The following STPG1 variants were observed in gnomAD, a reference collection of about 807,000 sequenced individuals.
STPG1 encodes the protein O(6)-methylguanine-induced apoptosis 2.
STPG1 carries 33 observed loss-of-function variants against 40.1 expected under a neutral mutation model. The observed-to-expected ratio is 0.82, with a 90% confidence interval of 0.62 to 1.10. The LOEUF is 1.10. STPG1 is among the 50% of genes least tolerant of loss of function. STPG1 has a pLI of 0.00. For missense variants in STPG1, 396 were observed against 415.1 expected, an observed-to-expected ratio of 0.95 and a Z score of 0.40; for synonymous variants, 150 against 155.0, an observed-to-expected ratio of 0.97 and a Z score of 0.24.
chr1:24,371,895 G>A (rs947147057), intron 6 of STPG1, among the ~76,000 whole-genome samples: 1 of 152,048 alleles, frequency 6.6e-6, no homozygotes, highest in African/African-American at 2.4e-5. Flanking sequence ...TCCAGCTGTG[G>A]GGCTGGGCGT....
chr1:24,395,136 C>A (rs566717246), intron 2 of STPG1, among the ~76,000 whole-genome samples: 3 of 151,742 alleles, frequency 2.0e-5, no homozygotes, highest in African/African-American at 7.3e-5. Context: ...CAGATTGATA[C>A]TGAAAACAAC....
intron 7 of STPG1, chr1:24,364,462 G>A (rs1044963024): frequency 1.4e-6 from 2 of 1,405,670 alleles, no homozygotes; most frequent in Non-Finnish European, 1.9e-6. Context: ...ATACATTCTG[G>A]CTATTACTTT....
At chr1:24,383,150 T>A (rs982073364) in intron 4 of STPG1, among the ~76,000 whole-genome samples, 2 of 152,100 alleles carry the variant, frequency 1.3e-5, no homozygotes, top group African/African-American at 4.8e-5. Context: ...TGGGCTTAAG[T>A]GATCTTCCCG....
intron 1 of STPG1, among the ~76,000 whole-genome samples, chr1:24,408,540 G>T (rs1643495807): frequency 1.3e-5 from 2 of 152,096 alleles, no homozygotes; most frequent in Non-Finnish European, 2.9e-5. Flanking sequence ...CAGAAATCTA[G>T]AATTCATTTG....
intron 6 of STPG1, among the ~76,000 whole-genome samples, chr1:24,370,734 G>GC (rs756286928): frequency 6.4e-4 from 97 of 151,318 alleles, no homozygotes; most frequent in Non-Finnish European, 1.1e-3. Context: ...CTCGTGATCC[G>GC]CCTGCCTCGG....
At chr1:24,392,867 C>A (rs777135906) in intron 2 of STPG1, among the ~76,000 whole-genome samples, 159 of 139,172 alleles carry the variant, frequency 1.1e-3, no homozygotes, top group Non-Finnish European at 1.7e-3. Flanking sequence ...GGAAAAAAAA[C>A]AGTCAAGAGA....
chr1:24,368,476 G>C (rs566596034), intron 7 of STPG1, among the ~76,000 whole-genome samples: 20 of 152,328 alleles, frequency 1.3e-4, no homozygotes, highest in African/African-American at 4.8e-4. Context: ...GCATGGGTGA[G>C]AGCTGAGATG....
intron 3 of STPG1, 94 bp from the exon 4 acceptor site, chr1:24,384,097 A>G: frequency 1.3e-6 from 1 of 780,984 alleles, no homozygotes; most frequent in Non-Finnish European, 2.3e-6. Context: ...GCCTTACTGT[A>G]ATCCCACAGC....
chr1:24,405,543 G>A (rs1643381350), intron 1 of STPG1, among the ~76,000 whole-genome samples: 1 of 152,086 alleles, frequency 6.6e-6, no homozygotes. Context: ...GGTAGCATTG[G>A]TTGATAGTCT....
chr1:24,387,165 C>A (rs519782), intron 3 of STPG1, among the ~76,000 whole-genome samples: 34,151 of 151,994 alleles, frequency 0.22, 3,968 homozygotes, highest in East Asian at 0.3. Flanking sequence ...TGCAATTTAG[C>A]GGACACTGAT....
intron 5 of STPG1, among the ~76,000 whole-genome samples, chr1:24,374,110 C>T (rs1307980305): frequency 6.6e-6 from 1 of 152,132 alleles, no homozygotes; most frequent in African/African-American, 2.4e-5. Flanking sequence ...GGCTGTGTGG[C>T]CCCGCATCAG....
At position 24,359,916 on chromosome 1, in the gene STPG1, G is replaced by C. The variant is rs1640983096; in HGVS notation, c.928+935C>G. Reference sequence around the variant, plus strand: ...CAGGTAGATCCCAGATGTAACAGGGGATCCCTACTTATGCTTGCCTGTAAA... The same window carrying C: ...CAGGTAGATCCCAGATGTAACAGGGCATCCCTACTTATGCTTGCCTGTAAA... On this transcript the variant is annotated intron_variant, in intron 8 of 8. Transcript: ENST00000337248. The surrounding 1 kb of genome is among the most constrained non-coding windows in gnomAD (Gnocchi z 5.3). 6.6e-6 allele frequency among the ~76,000 whole-genome samples: 1 copy of C among 152,158 alleles called. No homozygotes were observed. The highest frequency in any genetic ancestry group is 6.5e-5 in the Admixed American group (1 of 15,282).
chr1:24,374,390 C>T (rs1641919923), intron 5 of STPG1, among the ~76,000 whole-genome samples: 1 of 149,898 alleles, frequency 6.7e-6, no homozygotes. Context: ...TCCGGAGTAG[C>T]TGGGACTATA....
At chr1:24,402,532 C>T (rs111527699) in intron 1 of STPG1, among the ~76,000 whole-genome samples, 297 of 152,052 alleles carry the variant, frequency 2.0e-3, no homozygotes, top group Non-Finnish European at 3.5e-3. Context: ...GAGGCTGAAG[C>T]GGGAGGATTG....
At chr1:24,408,662 T>C (rs570097040) in intron 1 of STPG1, among the ~76,000 whole-genome samples, 3 of 152,370 alleles carry the variant, frequency 2.0e-5, no homozygotes, top group Admixed American at 2.0e-4. Flanking sequence ...TGTTGTCCAA[T>C]GTGAGTTGTT....
At chr1:24,385,474 G>A (rs1242939237) in intron 3 of STPG1, among the ~76,000 whole-genome samples, 1 of 152,210 alleles carries the variant, frequency 6.6e-6, no homozygotes, top group Non-Finnish European at 1.5e-5. Context: ...CAGATGCGAA[G>A]GGCTATGGGG....
chr1:24,384,133 T>A, intron 3 of STPG1, 130 bp from the exon 4 acceptor site: 1 of 610,216 alleles, frequency 1.6e-6, no homozygotes, highest in Non-Finnish European at 3.0e-6. Flanking sequence ...ACTTGGTGGG[T>A]GACAGCCTAG....
chr1:24,392,358 T>C (rs1642809138), intron 2 of STPG1, among the ~76,000 whole-genome samples: 1 of 152,236 alleles, frequency 6.6e-6, no homozygotes, highest in East Asian at 1.9e-4. Context: ...GCATAGCAGG[T>C]TGATTATAGA....
chr1:24,358,418 G>T lies in STPG1; in HGVS notation c.*125C>A. 2.4e-6 allele frequency: 2 copies of T among 826,892 alleles called. No individual in the cohort carries two copies. The highest frequency in any genetic ancestry group is 2.4e-5 in the East Asian group (1 of 40,908). The allele number at this position is 826,892 out of a possible 1,614,324, so 51.2% of individuals were successfully genotyped here. ...TCCGGCTAGGATGCCAGGCCAGAGT[G>T]GTAGAGCCACCCCCCAAGTTGTCAG... On this transcript the variant is annotated 3_prime_UTR_variant, in exon 9 of 9. Transcript: ENST00000337248.
Sources: gnomAD v4.1 joint callset for allele counts (sites outside exome capture counted in the v4.1 genomes callset) on GRCh38, gnomAD v4.1.1 for gene constraint, Gnocchi (gnomAD v3.1) non-coding constraint, MANE v1.5 for transcripts, NCBI Gene and HGNC (gene_info 2026-07-23, HGNC 2026-07-21) for gene names.